Variants in BICDL1 observed in about 807,000 individuals in gnomAD.
BICDL1 encodes the protein BICD family-like cargo adapter 1.
A neutral mutation model predicts 76.8 loss-of-function variants in BICDL1; 20 were observed. The observed-to-expected ratio is 0.26, with a 90% CI of 0.18 to 0.38. The LOEUF is 0.38. Ranked by LOEUF, BICDL1 falls within the 10% of genes least tolerant of loss-of-function variation. BICDL1 has a pLI of 1.00. For synonymous variants in BICDL1, 383 were observed against 337.1 expected (o/e 1.14, Z -1.49); for missense variants, 700 against 798.6 (o/e 0.88, Z 1.49).
chr12:120,044,328 G>A (rs548808481), intron 2 of BICDL1, among the ~76,000 whole-genome samples: 1 of 152,264 alleles, frequency 6.6e-6, no homozygotes, highest in Non-Finnish European at 1.5e-5. Flanking sequence ...AGGTGGGGAA[G>A]TATGAAAAAC....
intron 8 of BICDL1, among the ~76,000 whole-genome samples, chr12:120,083,069 G>A (rs1874115518): frequency 6.7e-6 from 1 of 148,726 alleles, no homozygotes; most frequent in Non-Finnish European, 1.5e-5. Context: ...CACCATGTTG[G>A]CCAGGCTACT....
At chr12:120,004,103 C>T (rs1426698885) in intron 2 of BICDL1, among the ~76,000 whole-genome samples, 3 of 152,186 alleles carry the variant, frequency 2.0e-5, no homozygotes, top group Non-Finnish European at 2.9e-5. Flanking sequence ...TATAATTGCT[C>T]ACTGTGCAGC....
rs1342465350 is a variant in BICDL1, at chr12:120,080,918, T to C, written c.1484T>C (p.Leu495Pro). The C allele has an allele frequency of 6.2e-7, 1 of 1,613,534 alleles. No homozygotes were observed. ...CTGCTGAGTGTGGAGATGACTGCCC[T>C]AAAAGAGGAGAGAGACCGACTCAGA... ...VTLLSVEMTA[L>P]KEERDRLRVT... Residue 495 changes from leucine to proline, a missense_variant, in exon 8 of 10, where the codon CTA (leucine) becomes CCA (proline). Leu to Pro is a moderately conservative substitution (Grantham distance 98, BLOSUM62 -3). Coordinates refer to ENST00000548673, the MANE Select transcript of BICDL1 (RefSeq NM_001367886.1).
intron 4 of BICDL1, among the ~76,000 whole-genome samples, chr12:120,065,632 C>T (rs540373962): frequency 6.6e-6 from 1 of 152,312 alleles, no homozygotes; most frequent in East Asian, 1.9e-4. Context: ...ACTAGGAGTG[C>T]ATTGCTTCCC....
intron 7 of BICDL1, among the ~76,000 whole-genome samples, chr12:120,080,320 G>A (rs978323001): frequency 6.6e-6 from 1 of 152,234 alleles, no homozygotes; most frequent in Non-Finnish European, 1.5e-5. Context: ...CAGGTTTGAG[G>A]TGGAAGATGA....
intron 2 of BICDL1, among the ~76,000 whole-genome samples, chr12:120,010,896 C>T (rs1951939948): frequency 6.6e-6 from 1 of 152,086 alleles, no homozygotes. Flanking sequence ...ACAAGTAAAA[C>T]AAGCCATCTC....
chr12:120,040,751 C>CTTTTTTT (rs57089775), intron 2 of BICDL1, among the ~76,000 whole-genome samples: 3,648 of 134,222 alleles, frequency 0.027, 343 homozygotes, highest in African/African-American at 0.1. Context: ...ATAGGAAATA[C>CTTTTTTT]TTTTTTTTTT....
intron 2 of BICDL1, among the ~76,000 whole-genome samples, chr12:120,024,235 C>A (rs540555854): frequency 6.6e-6 from 1 of 152,048 alleles, no homozygotes; most frequent in Non-Finnish European, 1.5e-5. Context: ...GAGCTGAGAT[C>A]GCACCACTGC....
At chr12:120,043,383 A>C (rs1172860295) in intron 2 of BICDL1, among the ~76,000 whole-genome samples, 1 of 152,258 alleles carries the variant, frequency 6.6e-6, no homozygotes, top group African/African-American at 2.4e-5. Flanking sequence ...TTTCAAATCC[A>C]TCTGTTATCA....
chr12:120,025,561 T>C (rs1006481243), intron 2 of BICDL1, among the ~76,000 whole-genome samples: 2 of 152,208 alleles, frequency 1.3e-5, no homozygotes, highest in Admixed American at 6.5e-5. Flanking sequence ...CCGTACACTC[T>C]GAAGTCTTCC....
At chr12:119,994,988 C>G (rs1159695306) in intron 1 of BICDL1, among the ~76,000 whole-genome samples, 2 of 152,184 alleles carry the variant, frequency 1.3e-5, no homozygotes, top group Non-Finnish European at 2.9e-5. Context: ...AAGCATTTAT[C>G]TAATACCTTT....
At chr12:119,991,794 A>G (rs930641598) in intron 1 of BICDL1, among the ~76,000 whole-genome samples, 4 of 152,226 alleles carry the variant, frequency 2.6e-5, no homozygotes, top group African/African-American at 9.6e-5. Flanking sequence ...TGAGTGTGCA[A>G]TTACATACAT....
chr12:120,017,220 T>C (rs1952083894), intron 2 of BICDL1, among the ~76,000 whole-genome samples: 1 of 152,166 alleles, frequency 6.6e-6, no homozygotes, highest in Non-Finnish European at 1.5e-5. Flanking sequence ...TATCAGCAGA[T>C]TGATAAAACA....
chr12:119,998,125 C>T (rs997155998), intron 1 of BICDL1, among the ~76,000 whole-genome samples: 4 of 151,908 alleles, frequency 2.6e-5, no homozygotes, highest in African/African-American at 9.7e-5. Flanking sequence ...CCAGCCTGGG[C>T]GACAGAGCAA....
chr12:120,053,873 G>A (rs1952916489), intron 2 of BICDL1, among the ~76,000 whole-genome samples: 1 of 152,018 alleles, frequency 6.6e-6, no homozygotes. Flanking sequence ...CCTCATTTGT[G>A]TATATAAAAA....
At chr12:120,048,610 TACTC>T (rs939974243) in intron 2 of BICDL1, among the ~76,000 whole-genome samples, 27 of 152,194 alleles carry the variant, frequency 1.8e-4, no homozygotes, top group African/African-American at 5.8e-4. Context: ...ACCTATCCCT[TACTC>T]ACTCTGTGAC....
chr12:120,061,632 G>T, intron 2 of BICDL1, 78 bp from the exon 3 acceptor site: 1 of 966,816 alleles, frequency 1.0e-6, no homozygotes, highest in Non-Finnish European at 1.7e-6. Context: ...AGAGATGCTT[G>T]ATAAATGAAA....
intron 2 of BICDL1, among the ~76,000 whole-genome samples, chr12:120,025,979 A>C (rs757063080): frequency 3.9e-5 from 6 of 152,048 alleles, no homozygotes; most frequent in Non-Finnish European, 7.4e-5. Flanking sequence ...CTGGGATTAC[A>C]GGTGTACACC....
chr12:120,074,894 A>G (rs1249528876), intron 7 of BICDL1, among the ~76,000 whole-genome samples: 1 of 152,180 alleles, frequency 6.6e-6, no homozygotes, highest in Non-Finnish European at 1.5e-5. Flanking sequence ...CGGGCTACTT[A>G]TGGGTGCTTT....
Sources: gnomAD v4.1 joint callset for allele counts (sites outside exome capture counted in the v4.1 genomes callset) on GRCh38, gnomAD v4.1.1 for gene constraint, MANE v1.5 for transcripts, NCBI Gene and HGNC (gene_info 2026-07-23, HGNC 2026-07-21) for gene names.